The following SLC46A3 variants were observed in gnomAD, a reference collection of about 807,000 sequenced individuals.
The protein encoded by SLC46A3 is solute carrier family 46 member 3.
In SLC46A3, 26 loss-of-function variants were observed where a neutral mutation model predicts 38.5. That is an observed-to-expected ratio of 0.68 (90% confidence interval 0.49 to 0.94). The LOEUF (loss-of-function observed/expected upper bound fraction) is 0.94, where lower values mean the gene tolerates loss of function less well. SLC46A3 is among the 40% of genes least tolerant of loss of function. The probability of loss-of-function intolerance (pLI) is 0.00; values close to 1 mark genes in which losing one functional copy is unlikely to be tolerated. For synonymous variants in SLC46A3, 185 were observed against 192.5 expected, an observed-to-expected ratio of 0.96 and a Z score of 0.32; for missense variants, 510 against 544.3, an observed-to-expected ratio of 0.94 and a Z score of 0.63.
chr13:28,703,107 T>C (rs1402834221), intron 5 of SLC46A3, among the ~76,000 whole-genome samples: 1 of 152,354 alleles, frequency 6.6e-6, no homozygotes, highest in African/African-American at 2.4e-5. Flanking sequence ...TTTATATTTA[T>C]GCTTCTGATC....
In SLC46A3 at chr13:28,708,985, C is replaced by A. The variant is rs1885261990; in HGVS notation, c.1144+1775G>T. On this transcript the variant is annotated intron_variant, in intron 4 of 5. Coordinates refer to ENST00000266943, the MANE Select transcript of SLC46A3 (RefSeq NM_181785.4). ...GTTTTCAAAGCAATCATCATCACATCATCTATAAACAGATGTGTGAATATA... is the reference window on the plus strand; with the variant it reads ...GTTTTCAAAGCAATCATCATCACATAATCTATAAACAGATGTGTGAATATA... Among the ~76,000 whole-genome samples the A allele has an allele frequency of 3.9e-5, 6 of 152,116 alleles. No individual in the cohort carries two copies. In the South Asian group the frequency reaches 1.2e-3, roughly 32 times the overall value.
rs1885433242 is a variant in SLC46A3, at chr13:28,713,484, C to A, written c.256G>T (p.Val86Leu). Residue 86 changes from valine to leucine, a missense_variant, in exon 3 of 6, where the codon GTG becomes TTG. Transcript: ENST00000266943. ...ATAGACAAAAGTATGAATGTAGACA[C>A]TAGACCAGGAATTAATCCACTTATG... is the stretch of plus-strand genomic sequence containing the variant. ...MDISGLIPGLVSTFILLSISD... is the reference protein window; with the variant it reads ...MDISGLIPGLLSTFILLSISD... 2 of 1,613,574 alleles carry A rather than the reference C, an allele frequency of 1.2e-6. No homozygotes were observed. Among genetic ancestry groups the A allele is most frequent in the Non-Finnish European group, 1.7e-6 (2 of 1,179,582 alleles).
intron 2 of SLC46A3, among the ~76,000 whole-genome samples, chr13:28,717,218 C>CAACTGGGGCTCCTGTGTCCA (rs1201128328): frequency 1.3e-5 from 2 of 152,094 alleles, no homozygotes; most frequent in African/African-American, 4.8e-5. Context: ...CAGATGTCCC[C>CAACTGGGGCTCCTGTGTCCA]ACACAGCTGC....
rs1226254409 is a variant in SLC46A3, at chr13:28,718,914, G to C, written c.-443C>G. 1.3e-5 allele frequency: 2 copies of C among 152,280 alleles called. No homozygotes were observed. Among genetic ancestry groups the C allele is most frequent in the East Asian group, 3.8e-4 (2 of 5,196 alleles). The allele number at this position is 152,280 out of a possible 1,614,324, so 9.4% of individuals were successfully genotyped here. A position where few individuals can be genotyped will look rare whatever the true frequency, so the allele number is the denominator to read the frequency against. On this transcript the variant is annotated 5_prime_UTR_variant, in exon 1 of 6. Transcript: ENST00000266943. ...AATCGGCGCCTCCGTCGGTCGGTCA[G>C]CGGCCCTGCCAGCGCTAGGCGATGA... is the stretch of plus-strand genomic sequence containing the variant.
chr13:28,707,734 G>C lies in SLC46A3; in HGVS notation c.1144+3026C>G, dbSNP rs1885218705. On this transcript the variant is annotated intron_variant, in intron 4 of 5. Coordinates refer to ENST00000266943, the MANE Select transcript of SLC46A3 (RefSeq NM_181785.4). ...TCACCCTTTTAAAGTCTGCAATTCAGTGGTTCTTAGTATGTTGCAGATTTG... is the reference window on the plus strand; with the variant it reads ...TCACCCTTTTAAAGTCTGCAATTCACTGGTTCTTAGTATGTTGCAGATTTG... 2.0e-5 allele frequency among the ~76,000 whole-genome samples: 3 copies of C among 151,990 alleles called. No individual in the cohort carries two copies. The South Asian group carries it at 6.2e-4, about 32-fold the overall frequency.
intron 4 of SLC46A3, among the ~76,000 whole-genome samples, chr13:28,705,787 C>G (rs1885157558): frequency 2.6e-5 from 4 of 152,194 alleles, no homozygotes; most frequent in Admixed American, 2.6e-4. Flanking sequence ...GGATGTTCTT[C>G]TACTTGTCTA....
At chr13:28,701,899 C>T (rs1464525341) in intron 5 of SLC46A3, among the ~76,000 whole-genome samples, 1 of 152,040 alleles carries the variant, frequency 6.6e-6, no homozygotes, top group Non-Finnish European at 1.5e-5. Context: ...AGCTGAAGCT[C>T]AGAAGCTTGG....
In SLC46A3 at chr13:28,701,318, G is replaced by A. The variant is rs192987139; in HGVS notation, c.*179C>T. On this transcript the variant is annotated 3_prime_UTR_variant, in exon 6 of 6. Coordinates refer to ENST00000266943, the MANE Select transcript of SLC46A3 (RefSeq NM_181785.4). ...ATGATACGCACAAAGTGCTCAAAGT[G>A]CGTGGTACCACAAGAAGCTAAAGCC... is the stretch of plus-strand genomic sequence containing the variant. The A allele has an allele frequency of 3.5e-5, 50 of 1,425,962 alleles. No homozygotes were observed. In the African/African-American group the frequency reaches 6.3e-4, roughly 18 times the overall value. The allele number at this position is 1,425,962 out of a possible 1,614,324, so 88.3% of individuals were successfully genotyped here.
chr13:28,701,712 G>C (rs1411654049), intron 5 of SLC46A3, 131 bp from the exon 6 acceptor site: 1 of 798,198 alleles, frequency 1.3e-6, no homozygotes, highest in Admixed American at 3.0e-5. Flanking sequence ...GGAGTATCCT[G>C]GCATTTTGAA....
At chr13:28,708,425 T>C (rs1885239386) in intron 4 of SLC46A3, among the ~76,000 whole-genome samples, 2 of 152,220 alleles carry the variant, frequency 1.3e-5, no homozygotes, top group Admixed American at 1.3e-4. Context: ...ATGCGCATAT[T>C]GGTCACTTGT....
At chr13:28,710,547 G>A (rs1885312852) in intron 4 of SLC46A3, among the ~76,000 whole-genome samples, 1 of 152,236 alleles carries the variant, frequency 6.6e-6, no homozygotes. Context: ...GCACGGCCCA[G>A]AGCCGAGGGA....
At chr13:28,712,595 T>C (rs1885372919) in intron 3 of SLC46A3, 85 bp downstream of exon 3, 27 of 1,375,290 alleles carry the variant, frequency 2.0e-5, no homozygotes, top group Non-Finnish European at 2.6e-5. Flanking sequence ...GGGCTTTAGA[T>C]TAAAGTTTCT....
intron 3 of SLC46A3, 40 bp from the exon 4 acceptor site, chr13:28,710,883 A>T (rs1885322403): frequency 6.9e-7 from 1 of 1,456,986 alleles, no homozygotes. Flanking sequence ...CTGATTCTGA[A>T]AGCTAATGGC....
chr13:28,710,091 C>T (rs1199702457), intron 4 of SLC46A3, among the ~76,000 whole-genome samples: 1 of 152,208 alleles, frequency 6.6e-6, no homozygotes, highest in Non-Finnish European at 1.5e-5. Context: ...AGGAGACCCG[C>T]ACACACTTAG....
chr13:28,712,490 T>C (rs1340780895), intron 3 of SLC46A3, among the ~76,000 whole-genome samples, 190 bp downstream of exon 3: 1 of 152,160 alleles, frequency 6.6e-6, no homozygotes. Context: ...GGTTATTCAG[T>C]GGATTAAATT....
At chr13:28,714,736 G>A (rs140069750) in intron 2 of SLC46A3, among the ~76,000 whole-genome samples, 1 of 152,184 alleles carries the variant, frequency 6.6e-6, no homozygotes, top group Admixed American at 6.5e-5. Flanking sequence ...GTGACACAGT[G>A]AGACTCCATC....
Position 28,700,768 on chromosome 13 carries a change from A to G in SLC46A3, c.*729T>C, listed in dbSNP as rs918875863. 7.7e-6 allele frequency: 4 copies of G among 517,374 alleles called. No homozygotes were observed. The East Asian group carries it at 9.2e-5, about 12-fold the overall frequency. 32.0% of individuals were successfully genotyped at this position (517,374 alleles called of 1,614,324 possible). On this transcript the variant is annotated 3_prime_UTR_variant, in exon 6 of 6. Coordinates refer to ENST00000266943, the MANE Select transcript of SLC46A3 (RefSeq NM_181785.4). ...ATCATCTATTTTTTCCCAATTACCC[A>G]TTACATATAGAAATATTATCATGCC...
chr13:28,715,654 T>C (rs896744776), intron 2 of SLC46A3, among the ~76,000 whole-genome samples: 3 of 152,342 alleles, frequency 2.0e-5, no homozygotes, highest in East Asian at 1.9e-4. Flanking sequence ...ACAGGGTGAC[T>C]ACAGTTAACA....
Position 28,701,148 on chromosome 13 carries a change from G to A in SLC46A3, c.*349C>T. On this transcript the variant is annotated 3_prime_UTR_variant, in exon 6 of 6. Transcript: ENST00000266943. ...ATTTCTCTTTGGTCTCAGTGTAAGAGCCTGGAATATGTCAGAGAGATTATT... is the reference window on the plus strand; with the variant it reads ...ATTTCTCTTTGGTCTCAGTGTAAGAACCTGGAATATGTCAGAGAGATTATT... 1 of 1,428,266 alleles carries A rather than the reference G, an allele frequency of 7.0e-7. No individual in the cohort carries two copies. Among genetic ancestry groups the A allele is most frequent in the Non-Finnish European group, 9.2e-7 (1 of 1,091,002 alleles). 88.5% of individuals were successfully genotyped at this position (1,428,266 alleles called of 1,614,324 possible).
Sources: allele counts gnomAD v4.1 joint callset (sites outside exome capture counted in the v4.1 genomes callset), GRCh38; gene constraint gnomAD v4.1.1; transcripts MANE v1.5; gene names NCBI Gene and HGNC (gene_info 2026-07-23, HGNC 2026-07-21).